EVL: variants seen among roughly 807,000 people sequenced by gnomAD.
EVL encodes ena/VASP-like protein.
A neutral mutation model predicts 59.6 loss-of-function variants in EVL; 21 were observed. The observed-to-expected ratio is 0.35, with a 90% CI of 0.25 to 0.51. EVL has a LOEUF of 0.51. EVL is among the 20% of genes least tolerant of loss of function. The probability of loss-of-function intolerance (pLI) is 0.97; values close to 1 mark genes in which losing one functional copy is unlikely to be tolerated. For missense variants in EVL, 462 were observed against 546.6 expected (o/e 0.85, Z 1.54); for synonymous variants, 198 against 203.5 (o/e 0.97, Z 0.23).
rs775809296 is a variant in EVL, at chr14:100,097,510, G to A, written c.210G>A (p.Gly70=). 1 of 1,612,870 alleles carries A rather than the reference G, an allele frequency of 6.2e-7. No individual in the cohort carries two copies. The highest frequency in any genetic ancestry group is 1.1e-5 in the South Asian group (1 of 90,870). ...QVVINYSIVK[G]LKYNQATPTF... is the part of the protein sequence containing the mutation. Reference sequence around the variant, plus strand: ...TGATCAATTATTCAATCGTGAAAGGGCTGAAGTACAATCAGGCCACGCCAA... The same window carrying A: ...TGATCAATTATTCAATCGTGAAAGGACTGAAGTACAATCAGGCCACGCCAA... The change falls in exon 3 of 14, where the codon GGG becomes GGA. Residue 70 remains glycine (G), a synonymous_variant. Transcript: ENST00000392920.
At position 100,141,793 on chromosome 14, in the gene EVL, G is replaced by A. The variant is rs551558822; in HGVS notation, c.1219G>A (p.Ala407Thr). Residue 407 changes from alanine to threonine, a missense_variant and splice_region_variant, in exon 13 of 14, where the codon GCC (alanine) becomes ACC (threonine). Physicochemically the swap from Ala to Thr is moderately conservative, Grantham distance 58. Transcript: ENST00000392920. ...CAAGGTGAAGGAGGAGATCATCGAC[G>A]GTGAGTGCAGCCCCACCGGGGAGGG... ...LHKVKEEIID[A>T]IRQELSGIST... The A allele has an allele frequency of 1.5e-5, 24 of 1,612,828 alleles. No homozygotes were observed. Among genetic ancestry groups the A allele is most frequent in the South Asian group, 2.2e-5 (2 of 91,034 alleles).
intron 1 of EVL, among the ~76,000 whole-genome samples, chr14:100,026,263 G>A (rs184888426): frequency 3.3e-5 from 5 of 151,652 alleles, no homozygotes; most frequent in African/African-American, 1.2e-4. Flanking sequence ...ACACAACACT[G>A]TTGTGTCCAT....
At chr14:100,067,707 A>C (rs2061961782) in intron 1 of EVL, among the ~76,000 whole-genome samples, 1 of 152,154 alleles carries the variant, frequency 6.6e-6, no homozygotes, top group Non-Finnish European at 1.5e-5. Flanking sequence ...GTGCCTCCTG[A>C]CCACAGATGC....
chr14:100,070,122 G>A (rs1047382837), intron 1 of EVL, among the ~76,000 whole-genome samples: 6 of 151,838 alleles, frequency 4.0e-5, no homozygotes, highest in Middle Eastern at 3.2e-3. Context: ...TTAGCCAGAT[G>A]TGATAGTGCA....
intron 6 of EVL, among the ~76,000 whole-genome samples, chr14:100,129,092 C>T (rs1282831281): frequency 6.6e-6 from 1 of 152,236 alleles, no homozygotes; most frequent in Non-Finnish European, 1.5e-5. Flanking sequence ...TCTCCTGAAT[C>T]TATGTCCATT....
At chr14:99,993,347 C>T (rs564796723) in intron 1 of EVL, among the ~76,000 whole-genome samples, 18 of 152,034 alleles carry the variant, frequency 1.2e-4, no homozygotes, top group African/African-American at 2.2e-4. Flanking sequence ...CGTGAGCCAC[C>T]GCGCCCGGTC....
rs953955399 is a variant in EVL at position 100,123,471 on chromosome 14, A to G, written c.359-68A>G. On this transcript the variant is annotated intron_variant, in intron 3 of 13. Transcript: ENST00000392920. Reference sequence around the variant, plus strand: ...CAGAAGGTGGGCAGAGATAGAGAGCACTCCAGTTGGGTTTGCTGGGGCCTT... The same window carrying G: ...CAGAAGGTGGGCAGAGATAGAGAGCGCTCCAGTTGGGTTTGCTGGGGCCTT... 3.3e-6 allele frequency: 5 copies of G among 1,511,832 alleles called. No individual in the cohort carries two copies. In the African/African-American group the frequency reaches 6.9e-5, roughly 21 times the overall value. The allele number at this position is 1,511,832 out of a possible 1,614,324, so 93.7% of individuals were successfully genotyped here.
chr14:100,081,915 C>A (rs543621087), intron 1 of EVL, among the ~76,000 whole-genome samples: 2 of 152,318 alleles, frequency 1.3e-5, no homozygotes, highest in East Asian at 3.9e-4. Flanking sequence ...GCCTGGGCAA[C>A]ATGGTAAAAC....
At chr14:100,067,641 G>A (rs2061960846) in intron 1 of EVL, among the ~76,000 whole-genome samples, 1 of 152,216 alleles carries the variant, frequency 6.6e-6, no homozygotes, top group Non-Finnish European at 1.5e-5. Flanking sequence ...TTTCACAGGA[G>A]AGAGTAACTT....
At chr14:99,997,924 C>T (rs1335475290) in intron 1 of EVL, among the ~76,000 whole-genome samples, 1 of 152,172 alleles carries the variant, frequency 6.6e-6, no homozygotes, top group African/African-American at 2.4e-5. Flanking sequence ...GTCATTTAAC[C>T]TCTTGGATTC....
intron 1 of EVL, among the ~76,000 whole-genome samples, chr14:99,984,201 A>G (rs1328307218): frequency 6.6e-6 from 1 of 152,222 alleles, no homozygotes; most frequent in Non-Finnish European, 1.5e-5. Context: ...GACTTAATGC[A>G]TTACTGAGGT....
intron 13 of EVL, 86 bp from the exon 14 acceptor site, chr14:100,143,615 G>T (rs990627521): frequency 2.1e-5 from 32 of 1,540,418 alleles, no homozygotes; most frequent in Non-Finnish European, 2.6e-5. Context: ...TACCAGGCAG[G>T]TCCACGCCAG....
At chr14:100,117,154 G>C (rs4290419) in intron 3 of EVL, among the ~76,000 whole-genome samples, 69,237 of 151,992 alleles carry the variant, frequency 0.46, 16,981 homozygotes, top group Admixed American at 0.55. Flanking sequence ...TCACCCTTTG[G>C]GAAGAAGACT....
chr14:100,030,311 A>G (rs2061293050), intron 1 of EVL, among the ~76,000 whole-genome samples: 1 of 151,684 alleles, frequency 6.6e-6, no homozygotes, highest in African/African-American at 2.4e-5. Flanking sequence ...CATGTTGGTC[A>G]GCCTGCTCTC....
intron 7 of EVL, 144 bp from the exon 8 acceptor site, chr14:100,132,575 C>A: frequency 1.1e-6 from 1 of 913,444 alleles, no homozygotes; most frequent in Non-Finnish European, 1.8e-6. Context: ...GGGGCCTAGA[C>A]AAGCCGCCTC....
At chr14:100,141,622 A>C in intron 12 of EVL, 114 bp from the exon 13 acceptor site, 1 of 933,034 alleles carries the variant, frequency 1.1e-6, no homozygotes, top group Non-Finnish European at 1.6e-6. Context: ...AGGGTGACAG[A>C]TGCAACTCTG....
At chr14:100,089,576 C>T (rs959576779) in intron 2 of EVL, among the ~76,000 whole-genome samples, 7 of 152,194 alleles carry the variant, frequency 4.6e-5, no homozygotes, top group African/African-American at 1.7e-4. Context: ...ATATTTTGAA[C>T]TGAACAGTAA....
chr14:99,988,880 G>A (rs1418468860), intron 1 of EVL, among the ~76,000 whole-genome samples: 1 of 152,186 alleles, frequency 6.6e-6, no homozygotes, highest in Non-Finnish European at 1.5e-5. Flanking sequence ...GAGACAGAAT[G>A]TAGATTAGTG....
At chr14:100,061,444 G>A (rs1595113889), upstream of EVL, among the ~76,000 whole-genome samples, 6 of 81,842 alleles carry the variant, frequency 7.3e-5, no homozygotes, top group African/African-American at 9.2e-5. Context: ...AATGCTAAAG[G>A]AAGTTCCTCA....
Sources: gnomAD v4.1 joint callset for allele counts (sites outside exome capture counted in the v4.1 genomes callset) on GRCh38, gnomAD v4.1.1 for gene constraint, MANE v1.5 for transcripts, NCBI Gene and HGNC (gene_info 2026-07-23, HGNC 2026-07-21) for gene names.